FTO: variants seen among roughly 807,000 people sequenced by gnomAD.
FTO encodes the protein alpha-ketoglutarate-dependent dioxygenase FTO.
A neutral mutation model predicts 63.9 loss-of-function variants in FTO; 47 were observed. The observed-to-expected ratio is 0.74, with a 90% CI of 0.58 to 0.94. The LOEUF (loss-of-function observed/expected upper bound fraction) is 0.94, where lower values mean the gene tolerates loss of function less well. FTO is among the 40% of genes least tolerant of loss of function. The pLI is 0.00. For missense variants in FTO, 562 were observed against 618.1 expected, an observed-to-expected ratio of 0.91 and a Z score of 0.96; for synonymous variants, 207 against 224.4, an observed-to-expected ratio of 0.92 and a Z score of 0.69.
intron 1 of FTO, among the ~76,000 whole-genome samples, chr16:53,730,147 G>T (rs557725100): frequency 6.6e-6 from 1 of 152,226 alleles, no homozygotes; most frequent in East Asian, 1.9e-4. Flanking sequence ...TTCCATGATT[G>T]ATAGAGAGAC....
At chr16:53,922,917 A>T (rs1200977014) in intron 7 of FTO, 1 of 152,196 alleles carries the variant, frequency 6.6e-6, no homozygotes, top group Non-Finnish European at 1.5e-5. Flanking sequence ...GTTGTAAAAG[A>T]GGCTAATGCT....
At chr16:53,792,115 G>A (rs1269344626) in intron 1 of FTO, among the ~76,000 whole-genome samples, 2 of 151,892 alleles carry the variant, frequency 1.3e-5, no homozygotes, top group Admixed American at 1.3e-4. Context: ...AAAATAAAGC[G>A]TGTATATTGA....
At chr16:53,924,562 C>T (rs751346698) in intron 7 of FTO, among the ~76,000 whole-genome samples, 96 of 142,370 alleles carry the variant, frequency 6.7e-4, no homozygotes, top group Non-Finnish European at 1.1e-3. Flanking sequence ...CCTTTCAAGA[C>T]AGTGGAGTTT....
At chr16:53,794,903 C>T (rs192346691) in intron 1 of FTO, among the ~76,000 whole-genome samples, 1 of 152,122 alleles carries the variant, frequency 6.6e-6, no homozygotes. Context: ...TACCAAAATA[C>T]TGGAAGAAAA....
intron 8 of FTO, among the ~76,000 whole-genome samples, chr16:53,955,195 A>C (rs72809607): frequency 0.16 from 23,722 of 152,122 alleles, 2,067 homozygotes; most frequent in Admixed American, 0.2. Flanking sequence ...TAAGAAAAAA[A>C]CCAAGAGCTA....
intron 8 of FTO, among the ~76,000 whole-genome samples, chr16:54,010,547 A>T (rs1354233749): frequency 1.3e-5 from 2 of 149,362 alleles, no homozygotes; most frequent in Non-Finnish European, 2.9e-5. Context: ...GGAGAAGACC[A>T]TTCTAGCCTT....
chr16:53,882,360 A>G (rs1440389885), intron 6 of FTO, among the ~76,000 whole-genome samples: 1 of 130,438 alleles, frequency 7.7e-6, no homozygotes, highest in Non-Finnish European at 1.6e-5. Flanking sequence ...TTAGAAGTTG[A>G]TAAGTGCTAC....
At chr16:53,927,031 T>C (rs1273807276) in intron 7 of FTO, among the ~76,000 whole-genome samples, 3 of 152,180 alleles carry the variant, frequency 2.0e-5, no homozygotes, top group African/African-American at 7.2e-5. Flanking sequence ...AAACCACTAT[T>C]ATAGGTGATG....
In FTO at chr16:53,852,179, A is replaced by G. The variant is rs2079827858; in HGVS notation, c.895+7881A>G. ...TGGTCACAACTACTTGGGAGGTTGA[A>G]GTGGGAGGATCAGCTGAGCTCGGGA... On this transcript the variant is annotated intron_variant, in intron 4 of 8. Transcript: ENST00000471389. Among the ~76,000 whole-genome samples the G allele has an allele frequency of 5.3e-5, 8 of 150,594 alleles. No homozygotes were observed. The Admixed American group carries it at 5.3e-4, about 10-fold the overall frequency.
At chr16:53,804,555 T>G (rs1291243984) in intron 1 of FTO, among the ~76,000 whole-genome samples, 1 of 152,156 alleles carries the variant, frequency 6.6e-6, no homozygotes, top group Non-Finnish European at 1.5e-5. Context: ...TTGAAATACT[T>G]TTTTTCTTCT....
At chr16:54,078,480 A>G (rs1310565137) in intron 8 of FTO, among the ~76,000 whole-genome samples, 2 of 151,822 alleles carry the variant, frequency 1.3e-5, no homozygotes, top group Non-Finnish European at 2.9e-5. Context: ...CCCTTACTAA[A>G]TACTGTGTTC....
chr16:53,919,507 A>G lies in FTO; in HGVS notation c.1240-14478A>G, dbSNP rs576874574. On this transcript the variant is annotated intron_variant, in intron 7 of 8. Transcript: ENST00000471389. ...CAAAGGAAAAGAATTCATTATACAAAAAAAGATACTTTCACATGCATGTTT... is the reference window on the plus strand; with the variant it reads ...CAAAGGAAAAGAATTCATTATACAAGAAAAGATACTTTCACATGCATGTTT... Among the ~76,000 whole-genome samples, 12 of 152,328 alleles carry G rather than the reference A, an allele frequency of 7.9e-5. No homozygotes were observed. In the South Asian group the frequency reaches 2.5e-3, roughly 32 times the overall value.
intron 1 of FTO, among the ~76,000 whole-genome samples, chr16:53,759,837 A>G (rs1487207580): frequency 6.6e-6 from 1 of 152,114 alleles, no homozygotes; most frequent in Non-Finnish European, 1.5e-5. Context: ...GCATTTTATC[A>G]TGAAATTTCC....
At chr16:53,746,564 T>C (rs1341378281) in intron 1 of FTO, among the ~76,000 whole-genome samples, 2 of 152,188 alleles carry the variant, frequency 1.3e-5, no homozygotes, top group Admixed American at 1.3e-4. Flanking sequence ...TTTTTTTAAA[T>C]CATTTTTTAT....
At chr16:53,947,003 A>G (rs2082665531) in intron 8 of FTO, among the ~76,000 whole-genome samples, 1 of 152,214 alleles carries the variant, frequency 6.6e-6, no homozygotes, top group South Asian at 2.1e-4. Context: ...ATTTTATGGC[A>G]AGCATATTGT....
intron 8 of FTO, among the ~76,000 whole-genome samples, chr16:53,976,678 T>A (rs186826994): frequency 1.1e-4 from 17 of 152,316 alleles, no homozygotes; most frequent in African/African-American, 3.4e-4. Context: ...GAGAATTTTT[T>A]AAATGTCACC....
chr16:53,780,523 C>G (rs2077561650), intron 1 of FTO, among the ~76,000 whole-genome samples: 1 of 152,088 alleles, frequency 6.6e-6, no homozygotes, highest in Non-Finnish European at 1.5e-5. Flanking sequence ...CTGTAACCAC[C>G]TCCTGGGTTC....
chr16:53,815,846 G>T (rs920834614), intron 2 of FTO, among the ~76,000 whole-genome samples: 1 of 147,854 alleles, frequency 6.8e-6, no homozygotes, highest in African/African-American at 2.6e-5. Context: ...ACAGGGTTTC[G>T]CCTTGTTGGC....
intron 4 of FTO, among the ~76,000 whole-genome samples, chr16:53,873,377 C>T (rs1006974760): frequency 6.6e-6 from 1 of 151,924 alleles, no homozygotes; most frequent in Non-Finnish European, 1.5e-5. Flanking sequence ...TTGTTAATAG[C>T]ATCCCCTTTC....
Sources: gnomAD v4.1 joint callset for allele counts (sites outside exome capture counted in the v4.1 genomes callset) on GRCh38, gnomAD v4.1.1 for gene constraint, MANE v1.5 for transcripts, NCBI Gene and HGNC (gene_info 2026-07-23, HGNC 2026-07-21) for gene names.